Variants in GPATCH2 observed in about 807,000 individuals in gnomAD.
GPATCH2 encodes G-patch domain containing 2, also known as G patch domain-containing protein 2.
In GPATCH2, 51 loss-of-function variants were observed where a neutral mutation model predicts 58.0. The ratio of observed to expected loss-of-function variants is 0.88; its 90% confidence interval spans 0.70 to 1.11. GPATCH2 has a LOEUF of 1.11. GPATCH2 is among the 50% of genes most tolerant of loss of function. The pLI, the probability that GPATCH2 is intolerant of heterozygous loss-of-function variation, is 0.00. For missense variants in GPATCH2, 625 were observed against 652.2 expected, an observed-to-expected ratio of 0.96 and a Z score of 0.45; for synonymous variants, 222 against 218.5, an observed-to-expected ratio of 1.02 and a Z score of -0.14.
chr1:217,481,621 G>A (rs1299865018), intron 8 of GPATCH2, among the ~76,000 whole-genome samples: 1 of 152,140 alleles, frequency 6.6e-6, no homozygotes, highest in Non-Finnish European at 1.5e-5. Flanking sequence ...ACTTTGGGAG[G>A]CTGAGGTAAG....
intron 5 of GPATCH2, among the ~76,000 whole-genome samples, chr1:217,554,747 T>C (rs930673339): frequency 1.3e-5 from 2 of 152,216 alleles, no homozygotes; most frequent in Non-Finnish European, 2.9e-5. Flanking sequence ...TTGATACTTC[T>C]TATATGTTAC....
intron 5 of GPATCH2, among the ~76,000 whole-genome samples, chr1:217,579,983 C>T (rs1421576378): frequency 6.6e-6 from 1 of 152,134 alleles, no homozygotes; most frequent in African/African-American, 2.4e-5. Flanking sequence ...GTATTAAACA[C>T]ACAAAAGATT....
At chr1:217,508,100 A>G (rs534415523) in intron 6 of GPATCH2, among the ~76,000 whole-genome samples, 1 of 152,258 alleles carries the variant, frequency 6.6e-6, no homozygotes, top group African/African-American at 2.4e-5. Flanking sequence ...CTGTTACTGT[A>G]TTATATTTAT....
At chr1:217,503,132 C>A (rs1662385352) in intron 6 of GPATCH2, among the ~76,000 whole-genome samples, 1 of 151,996 alleles carries the variant, frequency 6.6e-6, no homozygotes, top group Admixed American at 6.6e-5. Flanking sequence ...CAGCAAACAA[C>A]CAAGAGACAG....
intron 5 of GPATCH2, among the ~76,000 whole-genome samples, chr1:217,598,361 C>A (rs900104582): frequency 6.6e-6 from 1 of 151,952 alleles, no homozygotes; most frequent in African/African-American, 2.4e-5. Context: ...GCACTCAAGC[C>A]GGGGCCACAG....
chr1:217,598,799 G>A (rs1667976148), intron 5 of GPATCH2, among the ~76,000 whole-genome samples: 1 of 152,176 alleles, frequency 6.6e-6, no homozygotes, highest in South Asian at 2.1e-4. Context: ...TGTGCTAATA[G>A]CTCCCATCGT....
At chr1:217,453,605 G>T (rs1558402963) in intron 8 of GPATCH2, among the ~76,000 whole-genome samples, 7 of 152,024 alleles carry the variant, frequency 4.6e-5, no homozygotes, top group Admixed American at 3.9e-4. Flanking sequence ...TTTTAAATGG[G>T]GTGGTGGCAG....
chr1:217,523,191 T>G (rs930852568), intron 5 of GPATCH2, among the ~76,000 whole-genome samples: 1 of 151,768 alleles, frequency 6.6e-6, no homozygotes, highest in Non-Finnish European at 1.5e-5. Flanking sequence ...TTTTATTTTT[T>G]TATTGATCAT....
rs1295192755 is a variant in GPATCH2, at chr1:217,427,585, T to C, written c.*3560A>G. ...TTCTTTGTTGTACTATTAACATGAC[T>C]TTCTACCAAAAGAAAAAATAAAAAA... On this transcript the variant is annotated 3_prime_UTR_variant, in exon 10 of 10. Coordinates refer to ENST00000366935, the MANE Select transcript of GPATCH2 (RefSeq NM_018040.5). 2.0e-5 allele frequency: 3 copies of C among 147,958 alleles called. No individual in the cohort carries two copies. The highest frequency in any genetic ancestry group is 2.0e-4 in the Admixed American group (3 of 14,844). 9.2% of individuals were successfully genotyped at this position (147,958 alleles called of 1,614,324 possible). A position where few individuals can be genotyped will look rare whatever the true frequency, so the allele number is the denominator to read the frequency against.
chr1:217,608,925 T>A, intron 5 of GPATCH2: 1 of 983,808 alleles, frequency 1.0e-6, no homozygotes, highest in Non-Finnish European at 1.2e-6. Context: ...ATGTCACACA[T>A]TCCTGTTTAA....
chr1:217,524,644 C>T (rs1663725508), intron 5 of GPATCH2, among the ~76,000 whole-genome samples: 1 of 151,590 alleles, frequency 6.6e-6, no homozygotes, highest in South Asian at 2.1e-4. Context: ...GGATCACTCG[C>T]GGTTAGGAGC....
intron 5 of GPATCH2, among the ~76,000 whole-genome samples, chr1:217,607,670 TC>T (rs1668425307): frequency 6.6e-6 from 1 of 152,150 alleles, no homozygotes; most frequent in African/African-American, 2.4e-5. Context: ...ACCCTGTCTT[TC>T]CCTTAGGAGC....
chr1:217,567,988 G>A (rs540595385), intron 5 of GPATCH2, among the ~76,000 whole-genome samples: 31 of 152,216 alleles, frequency 2.0e-4, no homozygotes, highest in African/African-American at 5.1e-4. Flanking sequence ...ACGGTGGCGG[G>A]CGCCTGCAGT....
At chr1:217,434,570 G>T (rs1263884927) in intron 9 of GPATCH2, among the ~76,000 whole-genome samples, 1 of 152,106 alleles carries the variant, frequency 6.6e-6, no homozygotes, top group Non-Finnish European at 1.5e-5. Context: ...CAGACCAGAG[G>T]TCTATTGCTG....
chr1:217,623,630 G>A (rs560561606), intron 1 of GPATCH2, among the ~76,000 whole-genome samples: 1 of 152,198 alleles, frequency 6.6e-6, no homozygotes, highest in East Asian at 1.9e-4. Context: ...GGCTGGGGGC[G>A]GTGGCTCACG....
intron 9 of GPATCH2, among the ~76,000 whole-genome samples, chr1:217,433,410 T>C (rs946255856): frequency 1.4e-5 from 2 of 147,476 alleles, no homozygotes; most frequent in African/African-American, 5.1e-5. Context: ...ATTTATTTAT[T>C]TATTTTGGCA....
chr1:217,590,282 A>G (rs1228366006), intron 5 of GPATCH2, among the ~76,000 whole-genome samples: 1 of 152,030 alleles, frequency 6.6e-6, no homozygotes, highest in Non-Finnish European at 1.5e-5. Context: ...TCAGCCTCCC[A>G]AAGCGCTGGG....
Position 217,597,028 on chromosome 1 carries a change from T to C in GPATCH2, c.1098+13293A>G, listed in dbSNP as rs184948084. Among the ~76,000 whole-genome samples, 175 of 152,074 alleles carry C rather than the reference T, an allele frequency of 1.2e-3. 1 individual carries two copies. The highest frequency in any genetic ancestry group is 1.9e-3 in the Non-Finnish European group (128 of 67,968). On this transcript the variant is annotated intron_variant, in intron 5 of 9. Transcript: ENST00000366935. ...AAAGAGAATAGGAATAAGATACCAA[T>C]AGACAAAATATGTCAACAGGCCAGG...
At chr1:217,461,004 G>A (rs546206124) in intron 8 of GPATCH2, among the ~76,000 whole-genome samples, 107 of 152,150 alleles carry the variant, frequency 7.0e-4, no homozygotes, top group Admixed American at 1.1e-3. Flanking sequence ...GACTTTGCTT[G>A]TCGTGCAAAG....
Sources: gnomAD v4.1 joint callset for allele counts (sites outside exome capture counted in the v4.1 genomes callset) on GRCh38, gnomAD v4.1.1 for gene constraint, MANE v1.5 for transcripts, NCBI Gene and HGNC (gene_info 2026-07-23, HGNC 2026-07-21) for gene names.